INPP4B: variants seen among roughly 807,000 people sequenced by gnomAD.
INPP4B encodes the protein inositol polyphosphate 4-phosphatase type II.
In INPP4B, 55 loss-of-function variants were observed where a neutral mutation model predicts 122.5. That is an observed-to-expected ratio of 0.45 (90% CI 0.36 to 0.56). The LOEUF (loss-of-function observed/expected upper bound fraction) is 0.56. Ranked by LOEUF, INPP4B falls within the 20% of genes least tolerant of loss-of-function variation. INPP4B has a pLI of 0.00. For missense variants in INPP4B, 1,000 were observed against 1,097.7 expected, an observed-to-expected ratio of 0.91 and a Z score of 1.26; for synonymous variants, 403 against 388.7, an observed-to-expected ratio of 1.04 and a Z score of -0.43.
In INPP4B at chr4:142,429,346, G is replaced by A. The variant is rs558782685; in HGVS notation, c.92-129C>T. On this transcript the variant is annotated intron_variant, in intron 4 of 25. Transcript: ENST00000262992. ...GTATTTGGCAGAATGAATAAACTTG[G>A]TTTATCAGGGTTATAAATAATCAGT... 2.5e-5 allele frequency: 14 copies of A among 553,684 alleles called. No homozygotes were observed. In the South Asian group the frequency reaches 3.7e-4, roughly 15 times the overall value. 34.3% of individuals were successfully genotyped at this position (553,684 alleles called of 1,614,324 possible).
At chr4:142,167,372 A>C (rs1823297314) in intron 16 of INPP4B, among the ~76,000 whole-genome samples, 1 of 151,686 alleles carries the variant, frequency 6.6e-6, no homozygotes, top group Admixed American at 6.6e-5. Flanking sequence ...GAGGGGAAAA[A>C]CACATACTGG....
intron 25 of INPP4B, among the ~76,000 whole-genome samples, chr4:142,065,234 A>AAC (rs36228246): frequency 0.052 from 7,768 of 149,556 alleles, 413 homozygotes; most frequent in African/African-American, 0.14. Flanking sequence ...GAATGAGGCC[A>AAC]ACACACACAC....
intron 2 of INPP4B, among the ~76,000 whole-genome samples, chr4:142,665,672 T>C (rs1755911450): frequency 6.6e-6 from 1 of 152,132 alleles, no homozygotes; most frequent in African/African-American, 2.4e-5. Flanking sequence ...AGTGGGATAC[T>C]GTATGCCATT....
At chr4:142,431,593 G>A (rs1300420940) in intron 3 of INPP4B, among the ~76,000 whole-genome samples, 2 of 152,074 alleles carry the variant, frequency 1.3e-5, no homozygotes, top group Non-Finnish European at 2.9e-5. Context: ...ATAGTCATAT[G>A]AAAGATTTCT....
chr4:142,328,220 A>G (rs1773181107), intron 7 of INPP4B, among the ~76,000 whole-genome samples: 2 of 152,078 alleles, frequency 1.3e-5, no homozygotes, highest in Admixed American at 6.6e-5. Context: ...GTTTCAACAG[A>G]AAAAAAAGTA....
intron 1 of INPP4B, among the ~76,000 whole-genome samples, chr4:142,832,575 G>A (rs999758891): frequency 2.6e-5 from 4 of 152,088 alleles, no homozygotes; most frequent in East Asian, 1.9e-4. Context: ...ACCTGGCCCC[G>A]GCCAACGCAG....
intron 3 of INPP4B, among the ~76,000 whole-genome samples, chr4:142,460,973 G>A (rs1816619553): frequency 6.6e-6 from 1 of 152,030 alleles, no homozygotes; most frequent in South Asian, 2.1e-4. Flanking sequence ...GAGCTCAGGG[G>A]TTCAAGACGA....
chr4:142,606,718 A>G (rs1300782999), intron 2 of INPP4B, among the ~76,000 whole-genome samples: 1 of 152,054 alleles, frequency 6.6e-6, no homozygotes, highest in Non-Finnish European at 1.5e-5. Flanking sequence ...TTCCATGAGG[A>G]AGCTGCTGGC....
At chr4:142,279,141 A>T (rs1227484207) in intron 9 of INPP4B, among the ~76,000 whole-genome samples, 1 of 152,006 alleles carries the variant, frequency 6.6e-6, no homozygotes, top group African/African-American at 2.4e-5. Context: ...CTAATAAAAA[A>T]TTCAAAGAAG....
intron 2 of INPP4B, among the ~76,000 whole-genome samples, chr4:142,545,821 G>GTATATATATA (rs70949172): frequency 3.1e-4 from 35 of 111,892 alleles, no homozygotes; most frequent in Admixed American, 7.8e-4. Context: ...ATACATGTGT[G>GTATATATATA]TATATATATA....
chr4:142,173,710 A>G lies in INPP4B; in HGVS notation c.1281T>C (p.His427=), dbSNP rs1171856961. The part of the protein sequence containing the change: ...INQLQPLIAT[H]ADLLLNSASQ... ...TTGCAGAATTAAGCAGTAGGTCTGC[A>G]TGGGTTGCTATAAGAGGTTGTAGTT... is the stretch of plus-strand genomic sequence containing the variant. Residue 427 remains histidine (H), a synonymous_variant, in exon 16 of 26, where the codon CAT becomes CAC. Transcript: ENST00000262992. 3 of 1,613,362 alleles carry G rather than the reference A, an allele frequency of 1.9e-6. No homozygotes were observed. Among genetic ancestry groups the G allele is most frequent in the Admixed American group, 3.3e-5 (2 of 59,930 alleles).
intron 7 of INPP4B, among the ~76,000 whole-genome samples, chr4:142,388,804 T>A (rs1796759689): frequency 6.6e-6 from 1 of 152,178 alleles, no homozygotes; most frequent in Admixed American, 6.5e-5. Flanking sequence ...CACTATCTTC[T>A]CCTTTTGGGG....
intron 2 of INPP4B, among the ~76,000 whole-genome samples, chr4:142,631,731 T>A (rs114204737): frequency 0.014 from 2,059 of 152,234 alleles, 36 homozygotes; most frequent in African/African-American, 0.039. Flanking sequence ...AATTACTCTG[T>A]CAGCTAATCT....
intron 11 of INPP4B, among the ~76,000 whole-genome samples, chr4:142,259,891 G>T (rs1422493448): frequency 6.6e-6 from 1 of 152,084 alleles, no homozygotes; most frequent in Non-Finnish European, 1.5e-5. Flanking sequence ...CTAGGCAATA[G>T]AAATATTTTA....
At chr4:142,741,756 T>C (rs938056571) in intron 1 of INPP4B, among the ~76,000 whole-genome samples, 3 of 151,842 alleles carry the variant, frequency 2.0e-5, no homozygotes, top group Non-Finnish European at 2.9e-5. Flanking sequence ...ATAAAACTTA[T>C]GCAAGGTGGA....
At chr4:142,823,073 G>A (rs981809627) in intron 1 of INPP4B, among the ~76,000 whole-genome samples, 4 of 152,222 alleles carry the variant, frequency 2.6e-5, no homozygotes, top group East Asian at 1.9e-4. Flanking sequence ...GCAGTAAAAT[G>A]CTCAGGTAAA....
chr4:142,058,029 G>C (rs376775977), intron 25 of INPP4B, among the ~76,000 whole-genome samples: 5 of 152,020 alleles, frequency 3.3e-5, no homozygotes, highest in African/African-American at 1.2e-4. Flanking sequence ...CTATACCGGA[G>C]TTAGCTTAGG....
intron 11 of INPP4B, among the ~76,000 whole-genome samples, chr4:142,249,760 T>C (rs1460705215): frequency 6.6e-6 from 1 of 152,184 alleles, no homozygotes; most frequent in African/African-American, 2.4e-5. Context: ...AGTGTTCTTG[T>C]ATTAATACTA....
At chr4:142,815,620 C>A (rs188576101) in intron 1 of INPP4B, among the ~76,000 whole-genome samples, 9 of 152,158 alleles carry the variant, frequency 5.9e-5, no homozygotes, top group African/African-American at 9.6e-5. Flanking sequence ...CTATGTCTTT[C>A]TGCAGGGATC....
Sources: allele counts gnomAD v4.1 joint callset (sites outside exome capture counted in the v4.1 genomes callset), GRCh38; gene constraint gnomAD v4.1.1; transcripts MANE v1.5; gene names NCBI Gene and HGNC (gene_info 2026-07-23, HGNC 2026-07-21).